The following SYT7 variants were observed in gnomAD, a reference collection of about 807,000 sequenced individuals.
SYT7 encodes the protein synaptotagmin-7.
Under a neutral mutation model 75.1 loss-of-function variants are expected in SYT7, and 29 were observed. That is an observed-to-expected ratio of 0.39 (90% CI 0.29 to 0.53). The LOEUF (loss-of-function observed/expected upper bound fraction) is 0.53, where lower values mean the gene tolerates loss of function less well. Among genes scored for constraint, SYT7 ranks in the 20% least tolerant of loss-of-function variants. The probability of loss-of-function intolerance (pLI) is 0.77; values close to 1 mark genes in which losing one functional copy is unlikely to be tolerated. For missense variants in SYT7, 693 were observed against 953.2 expected, an observed-to-expected ratio of 0.73 and a Z score of 3.59; for synonymous variants, 376 against 401.7, an observed-to-expected ratio of 0.94 and a Z score of 0.76.
At chr11:61,534,513 C>T in intron 7 of SYT7, among the ~76,000 whole-genome samples, 1 of 151,348 alleles carries the variant, frequency 6.6e-6, no homozygotes, top group Non-Finnish European at 1.5e-5. Context: ...TCCAGAGGGG[C>T]AGGGAGAGGA....
rs1468492692 is a variant in SYT7 at position 61,515,536 on chromosome 11, G to A, written c.*3091C>T. The A allele has an allele frequency of 2.5e-5, 2 of 78,674 alleles. No individual in the cohort carries two copies. Among genetic ancestry groups the A allele is most frequent in the African/African-American group, 4.9e-5 (1 of 20,510 alleles). 4.9% of individuals were successfully genotyped at this position (78,674 alleles called of 1,614,324 possible). On this transcript the variant is annotated 3_prime_UTR_variant, in exon 13 of 13. Coordinates refer to ENST00000539008, the MANE Select transcript of SYT7 (RefSeq NM_001365809.2). ...TTTTTTTTTGTGATGGTGGGTTTTT[G>A]TTTTATTTTTTATAAAACACTTGCA... is the stretch of plus-strand genomic sequence containing the variant.
At chr11:61,538,346 G>GGGGAGAGA (rs1412784519) in intron 6 of SYT7, 80 bp from the exon 7 acceptor site, 29 of 203,240 alleles carry the variant, frequency 1.4e-4, no homozygotes, top group South Asian at 1.7e-4. Flanking sequence ...GGAGAGAGAG[G>GGGGAGAGA]GAGAGAGAGA....
chr11:61,527,943 G>C lies in SYT7; in HGVS notation c.1443C>G (p.Pro481=), dbSNP rs571610142. The C allele has an allele frequency of 3.0e-5, 49 of 1,614,156 alleles. 1 individual carries two copies. In the South Asian group the frequency reaches 4.6e-4, roughly 15 times the overall value. Residue 481 remains proline (P), a synonymous_variant, in exon 9 of 13, where the codon CCC becomes CCG. Coordinates refer to ENST00000539008, the MANE Select transcript of SYT7 (RefSeq NM_001365809.2). The part of the protein sequence containing the change: ...ETKVKRKNLN[P]HWNETFLFEG... Reference sequence around the variant, plus strand: ...CAAAGAGGAAGGTCTCGTTCCAGTGGGGGTTCAGGTTCTTCCGCTTCACCT... The same window carrying C: ...CAAAGAGGAAGGTCTCGTTCCAGTGCGGGTTCAGGTTCTTCCGCTTCACCT...
intron 1 of SYT7, among the ~76,000 whole-genome samples, chr11:61,563,736 G>A (rs2135391083): frequency 6.6e-6 from 1 of 152,218 alleles, no homozygotes; most frequent in Non-Finnish European, 1.5e-5. Context: ...CTATCTTCAA[G>A]GCAACTAGAC....
chr11:61,518,366 T>G lies in SYT7; in HGVS notation c.*261A>C. 2 of 353,316 alleles carry G rather than the reference T, an allele frequency of 5.7e-6. No homozygotes were observed. Among genetic ancestry groups the G allele is most frequent in the Non-Finnish European group, 5.1e-6 (1 of 196,344 alleles). The allele number at this position is 353,316 out of a possible 1,614,324, so 21.9% of individuals were successfully genotyped here. ...TGGCTCTCGAGCTCCCCCAACTTCT[T>G]TAGTATTAGTAAGTCAGGAAGAAAA... On this transcript the variant is annotated 3_prime_UTR_variant, in exon 13 of 13. Transcript: ENST00000539008.
At chr11:61,518,796 G>A (rs2062218520) in intron 12 of SYT7, 65 bp from the exon 13 acceptor site, 1 of 1,220,370 alleles carries the variant, frequency 8.2e-7, no homozygotes, top group Non-Finnish European at 1.1e-6. Flanking sequence ...TTCCCCCACA[G>A]GGGTGACACC....
chr11:61,579,788 G>A (rs537377031), intron 1 of SYT7, among the ~76,000 whole-genome samples: 34 of 152,240 alleles, frequency 2.2e-4, no homozygotes, highest in Non-Finnish European at 4.4e-4. Context: ...CTGGGCTGGG[G>A]AGTCGTGCTT....
the SYT7 span, among the ~76,000 whole-genome samples, chr11:61,588,063 A>C: frequency 4.6e-5 from 7 of 151,896 alleles, no homozygotes; most frequent in Non-Finnish European, 7.4e-5. Flanking sequence ...GCACCGGGAG[A>C]GCTGTGACTG....
At chr11:61,538,382 AG>A in intron 6 of SYT7, 116 bp from the exon 7 acceptor site, 2 of 846,506 alleles carry the variant, frequency 2.4e-6, no homozygotes, top group Admixed American at 2.9e-5. Context: ...AGAGAGAGAG[AG>A]AGAGAAAGAG....
intron 1 of SYT7, among the ~76,000 whole-genome samples, chr11:61,565,345 T>A (rs917738569): frequency 6.6e-6 from 1 of 152,128 alleles, no homozygotes; most frequent in Non-Finnish European, 1.5e-5. Context: ...TTGGTGCCTA[T>A]CCTGCTTCCC....
chr11:61,536,858 G>A (rs2062884192), intron 7 of SYT7, among the ~76,000 whole-genome samples: 1 of 152,172 alleles, frequency 6.6e-6, no homozygotes, highest in South Asian at 2.1e-4. Context: ...CTGGCCCCTA[G>A]GGGCCTCTCA....
rs759041073 is a variant in SYT7, at chr11:61,523,267, G to C, written c.1764C>G (p.Tyr588Ter). 1 of 1,613,998 alleles carries C rather than the reference G, an allele frequency of 6.2e-7. No individual in the cohort carries two copies. Among genetic ancestry groups the C allele is most frequent in the Admixed American group, 1.7e-5 (1 of 60,002 alleles). ...AMDIGGTSDP[Y>*]VKVWLMYKDK... The stretch of plus-strand genomic sequence containing the variant: ...CCTTGTACATCAGCCATACCTTCAC[G>C]TAGGGGTCTAGGGGAGGGAGTGGGG... Residue 588 changes from tyrosine (Y) to a stop codon, truncating the protein, a stop_gained, in exon 12 of 13, where the codon TAC becomes TAG. Transcript: ENST00000539008. LOFTEE classifies it high-confidence loss of function. The surrounding 1 kb of genome is among the most constrained non-coding windows in gnomAD (Gnocchi z 5.0).
In SYT7 at chr11:61,547,106, G is replaced by C. The variant is rs1357301833; in HGVS notation, c.347+71C>G. ...AGTGAGCGGGTCCAGAGGTGGGTGG[G>C]GGCAGGAGGAGGGAAGGAGGGCGTG... On this transcript the variant is annotated intron_variant, in intron 4 of 12. Transcript: ENST00000539008. The C allele has an allele frequency of 2.0e-6, 3 of 1,499,614 alleles. No individual in the cohort carries two copies. The East Asian group carries it at 7.4e-5, about 37-fold the overall frequency. The allele number at this position is 1,499,614 out of a possible 1,614,324, so 92.9% of individuals were successfully genotyped here.
chr11:61,546,119 T>C lies in SYT7; in HGVS notation c.484A>G (p.Ser162Gly). 1 of 1,527,412 alleles carries C rather than the reference T, an allele frequency of 6.5e-7. No homozygotes were observed. The highest frequency in any genetic ancestry group is 8.7e-7 in the Non-Finnish European group (1 of 1,143,760). The allele number at this position is 1,527,412 out of a possible 1,614,324, so 94.6% of individuals were successfully genotyped here. A position where few individuals can be genotyped will look rare whatever the true frequency, so the allele number is the denominator to read the frequency against. Residue 162 changes from serine (S) to glycine (G), a missense_variant, in exon 5 of 13, where the codon AGC becomes GGC. Transcript: ENST00000539008. This position sits in a 1 kb window ranked among gnomAD's most constrained non-coding sequence, Gnocchi z 7.6. ...DALRSGGAAP[S>G]EPGSGGKAGR... ...GCCTTGCCACCGCTGCCCGGCTCGC[T>C]GGGGGCAGCCCCGCCGCTTCTCAAG...
chr11:61,533,569 A>G (rs895010789), intron 7 of SYT7: 5 of 985,256 alleles, frequency 5.1e-6, no homozygotes, highest in Non-Finnish European at 4.8e-6. Context: ...CCCTCTGCAA[A>G]CACGCCCAGA....
chr11:61,522,963 C>A, intron 12 of SYT7, 112 bp downstream of exon 12: 1 of 1,081,990 alleles, frequency 9.2e-7, no homozygotes, highest in Admixed American at 1.8e-5. Context: ...AGACTGATCC[C>A]AATCTCTCCT....
intron 1 of SYT7, among the ~76,000 whole-genome samples, chr11:61,579,423 G>T (rs376464420): frequency 3.3e-5 from 5 of 152,238 alleles, no homozygotes; most frequent in African/African-American, 7.2e-5. Context: ...AGGGCGCAAG[G>T]TTCCAGAGAA....
At chr11:61,556,446 T>C (rs1200524603) in intron 1 of SYT7, among the ~76,000 whole-genome samples, 1 of 152,198 alleles carries the variant, frequency 6.6e-6, no homozygotes, top group East Asian at 1.9e-4. Context: ...TCTTTCTCTG[T>C]CTCTCCCTGC....
intron 12 of SYT7, among the ~76,000 whole-genome samples, chr11:61,518,952 C>T (rs112091693): frequency 0.015 from 2,330 of 152,328 alleles, 27 homozygotes; most frequent in South Asian, 0.064. Flanking sequence ...AGCCTGGGCA[C>T]GCCAGGCCTC....
Sources: allele counts gnomAD v4.1 joint callset (sites outside exome capture counted in the v4.1 genomes callset), GRCh38; gene constraint gnomAD v4.1.1; non-coding constraint Gnocchi (gnomAD v3.1); transcripts MANE v1.5; gene names NCBI Gene and HGNC (gene_info 2026-07-23, HGNC 2026-07-21).